The following CHIC1 variants were observed in gnomAD, a reference collection of about 807,000 sequenced individuals.
The protein encoded by CHIC1 is cysteine-rich hydrophobic domain-containing protein 1.
In CHIC1, 7 loss-of-function variants were observed where a neutral mutation model predicts 18.5. The ratio of observed to expected loss-of-function variants is 0.38; its 90% confidence interval spans 0.22 to 0.71. The LOEUF (loss-of-function observed/expected upper bound fraction) is 0.71, where lower values mean the gene tolerates loss of function less well. CHIC1 is among the 30% of genes least tolerant of loss of function. The pLI is 0.49. For missense variants in CHIC1, 159 were observed against 176.9 expected, an observed-to-expected ratio of 0.90 and a Z score of 0.57; for synonymous variants, 77 against 73.5, an observed-to-expected ratio of 1.05 and a Z score of -0.25.
At chrX:73,580,933 CA>C (rs1218062173) in intron 2 of CHIC1, among the ~76,000 whole-genome samples, 3 of 111,090 alleles carry the variant, frequency 2.7e-5, no homozygotes, top group Non-Finnish European at 5.7e-5. Context: ...TTAATGCAAA[CA>C]AAAAGATGAC....
At chrX:73,668,799 G>A (rs916952946) in intron 3 of CHIC1, among the ~76,000 whole-genome samples, 3 of 112,434 alleles carry the variant, frequency 2.7e-5, no homozygotes, top group Non-Finnish European at 5.6e-5. Flanking sequence ...GACCCGTTTG[G>A]TGGTCTCTCC....
intron 3 of CHIC1, among the ~76,000 whole-genome samples, chrX:73,601,703 C>T (rs1163516874): frequency 0.04 from 4,105 of 102,633 alleles, 128 homozygotes; most frequent in Non-Finnish European, 0.061. Context: ...CAAGAAATAA[C>T]TAAAATCAGA....
rs1360484228 is a variant in CHIC1 at position 73,684,825 on chromosome X, A to G, written c.*3820A>G. ...ATGTGGACTAAAACAATTGATATAT[A>G]TCTGTATGTAAAAATGAATGATCTT... On this transcript the variant is annotated 3_prime_UTR_variant, in exon 6 of 6. Transcript: ENST00000373502. 9.0e-6 allele frequency: 1 copy of G among 111,443 alleles called. No individual in the cohort carries two copies. The highest frequency in any genetic ancestry group is 1.9e-5 in the Non-Finnish European group (1 of 52,888). 9.2% of individuals were successfully genotyped at this position (111,443 alleles called of 1,213,427 possible).
intron 3 of CHIC1, among the ~76,000 whole-genome samples, chrX:73,584,908 G>T (rs2057545783): frequency 1.8e-5 from 2 of 111,488 alleles, no homozygotes; most frequent in Admixed American, 1.9e-4. Flanking sequence ...GTATAAAGGA[G>T]AGCTTCTGAT....
intron 5 of CHIC1, among the ~76,000 whole-genome samples, chrX:73,680,468 T>C (rs1215360784): frequency 9.0e-6 from 1 of 111,657 alleles, no homozygotes; most frequent in Non-Finnish European, 1.9e-5. Flanking sequence ...GTAATTAATA[T>C]GTTTTACTCA....
Position 73,681,298 on chromosome X carries a change from C to T in CHIC1, c.*293C>T, listed in dbSNP as rs1426518708. 4.9e-6 allele frequency: 1 copy of T among 202,978 alleles called. No individual in the cohort carries two copies. Among genetic ancestry groups the T allele is most frequent in the Non-Finnish European group, 8.8e-6 (1 of 113,407 alleles). The allele number at this position is 202,978 out of a possible 1,213,427, so 16.7% of individuals were successfully genotyped here. A position where few individuals can be genotyped will look rare whatever the true frequency, so the allele number is the denominator to read the frequency against. On this transcript the variant is annotated 3_prime_UTR_variant, in exon 6 of 6. Transcript: ENST00000373502. ...ATCATCAGTGTTGGTGTTTAAAAAA[C>T]AAAAACTTGTTCTGAGCATGCTGCC...
At chrX:73,658,107 G>A (rs1040132523) in intron 3 of CHIC1, among the ~76,000 whole-genome samples, 3 of 109,759 alleles carry the variant, frequency 2.7e-5, no homozygotes, top group Admixed American at 9.8e-5. Flanking sequence ...GCCATTTTGG[G>A]GGTATTAGGA....
At chrX:73,596,387 C>T (rs1021184411) in intron 3 of CHIC1, among the ~76,000 whole-genome samples, 1 of 111,244 alleles carries the variant, frequency 9.0e-6, no homozygotes, top group Non-Finnish European at 1.9e-5. Flanking sequence ...AGGACATAAA[C>T]AAATGGAAAA....
intron 3 of CHIC1, among the ~76,000 whole-genome samples, chrX:73,624,517 G>A (rs142357715): frequency 3.5e-3 from 392 of 112,269 alleles, no homozygotes; most frequent in African/African-American, 9.9e-3. Context: ...CTAAGCTACA[G>A]CACTGGACAG....
rs755843096 is a variant in CHIC1 at position 73,655,647 on chromosome X, GTGTA to G, written c.508-23677_508-23674del. 1.8e-3 allele frequency among the ~76,000 whole-genome samples: 61 copies of G among 34,532 alleles called. No individual in the cohort carries two copies. In the South Asian group the frequency reaches 0.019, roughly 11 times the overall value. The allele number at this position is 34,532 out of a possible 115,157, so 30.0% of individuals were successfully genotyped here. A position where few individuals can be genotyped will look rare whatever the true frequency, so the allele number is the denominator to read the frequency against. On this transcript the variant is annotated intron_variant, in intron 3 of 5. Transcript: ENST00000373502. ...ATATATATATAGTGTGTGTGTGTGT[GTGTA>G]TATATATATATATATATATACACAC...
chrX:73,657,039 G>A (rs968252193), intron 3 of CHIC1, among the ~76,000 whole-genome samples: 1 of 102,106 alleles, frequency 9.8e-6, no homozygotes, highest in African/African-American at 3.5e-5. Flanking sequence ...TATATTCCTA[G>A]GTATTTTATA....
In CHIC1 at chrX:73,617,366, G is replaced by A. The variant is rs150536237; in HGVS notation, c.507+32794G>A. 4.6e-3 allele frequency among the ~76,000 whole-genome samples: 508 copies of A among 111,591 alleles called. 3 individuals are homozygous for A. The highest frequency in any genetic ancestry group is 0.016 in the African/African-American group (477 of 30,691). ...GTTCCAAACTTTCCCACATTTTTCT[G>A]TCTTCTTCTGAGCCTTCCAAACTGT... On this transcript the variant is annotated intron_variant, in intron 3 of 5. Transcript: ENST00000373502.
intron 3 of CHIC1, among the ~76,000 whole-genome samples, chrX:73,610,274 C>T (rs1381111606): frequency 9.1e-6 from 1 of 109,313 alleles, no homozygotes; most frequent in African/African-American, 3.5e-5. Context: ...GCAGAGTACT[C>T]GGCATGGGTA....
intron 3 of CHIC1, among the ~76,000 whole-genome samples, chrX:73,599,962 T>C (rs1274080185): frequency 1.0e-5 from 1 of 97,019 alleles, no homozygotes; most frequent in Non-Finnish European, 2.0e-5. Flanking sequence ...TTCCTACCCA[T>C]GAGCATGGAA....
intron 3 of CHIC1, among the ~76,000 whole-genome samples, chrX:73,655,678 C>G (rs2057945679): frequency 1.0e-5 from 1 of 98,294 alleles, no homozygotes; most frequent in African/African-American, 3.7e-5. Context: ...TATACACACA[C>G]CACATTATCA....
chrX:73,565,031 G>A (rs1643524947), intron 1 of CHIC1, among the ~76,000 whole-genome samples: 1 of 110,349 alleles, frequency 9.1e-6, no homozygotes. Flanking sequence ...GGAAGTGTTG[G>A]GGGAGGGTTT....
chrX:73,658,377 G>A (rs2057962424), intron 3 of CHIC1, among the ~76,000 whole-genome samples: 1 of 98,830 alleles, frequency 1.0e-5, no homozygotes, highest in African/African-American at 3.7e-5. Flanking sequence ...GAGGTTGTAT[G>A]TGCCCAGGAA....
rs1195375380 is a variant in CHIC1, at chrX:73,644,233, G to A, written c.508-35093G>A. On this transcript the variant is annotated intron_variant, in intron 3 of 5. Transcript: ENST00000373502. Reference sequence around the variant, plus strand: ...GATCTGCAAATGCTGCTGCCTGATCGTTCCTCTGGAAGTTTTGTCACAGAG... The same window carrying A: ...GATCTGCAAATGCTGCTGCCTGATCATTCCTCTGGAAGTTTTGTCACAGAG... Among the ~76,000 whole-genome samples the A allele has an allele frequency of 1.3e-4, 14 of 111,841 alleles. 1 individual carries two copies. Among genetic ancestry groups the A allele is most frequent in the Non-Finnish European group, 7.5e-5 (4 of 53,195 alleles).
At chrX:73,567,574 G>T (rs1450149540) in intron 1 of CHIC1, among the ~76,000 whole-genome samples, 1 of 110,787 alleles carries the variant, frequency 9.0e-6, no homozygotes, top group Non-Finnish European at 1.9e-5. Flanking sequence ...CTTCATCCTT[G>T]TCATCCTCAC....
Sources: gnomAD v4.1 joint callset for allele counts (sites outside exome capture counted in the v4.1 genomes callset) on GRCh38, gnomAD v4.1.1 for gene constraint, MANE v1.5 for transcripts, NCBI Gene and HGNC (gene_info 2026-07-23, HGNC 2026-07-21) for gene names.